The following GBE1 variants were observed in gnomAD, a reference collection of about 807,000 sequenced individuals.
The protein encoded by GBE1 is 1,4-alpha-glucan branching enzyme 1.
GBE1 carries 70 observed loss-of-function variants against 88.8 expected under a neutral mutation model. The ratio of observed to expected loss-of-function variants is 0.79; its 90% CI spans 0.65 to 0.96. GBE1 has a LOEUF of 0.96. Ranked by LOEUF, GBE1 falls within the 40% of genes least tolerant of loss-of-function variation. The pLI is 0.00. For synonymous variants in GBE1, 284 were observed against 300.1 expected, an observed-to-expected ratio of 0.95 and a Z score of 0.56; for missense variants, 872 against 871.0, an observed-to-expected ratio of 1.00 and a Z score of -0.01.
At chr3:81,492,688 C>T (rs536278094) in intron 15 of GBE1, among the ~76,000 whole-genome samples, 1 of 144,106 alleles carries the variant, frequency 6.9e-6, no homozygotes, top group South Asian at 2.3e-4. Context: ...TTCTCCCTTT[C>T]TCCCTTTCTC....
intron 10 of GBE1, 108 bp downstream of exon 10, chr3:81,585,984 C>T (rs1054421977): frequency 4.8e-6 from 3 of 625,504 alleles, no homozygotes; most frequent in Non-Finnish European, 8.0e-6. Flanking sequence ...GAATTTAATA[C>T]TTCAATTATA....
chr3:81,584,391 C>G (rs984078643), intron 10 of GBE1, among the ~76,000 whole-genome samples: 1 of 151,910 alleles, frequency 6.6e-6, no homozygotes, highest in African/African-American at 2.4e-5. Flanking sequence ...GTTTTATTGA[C>G]ATATAGGGAG....
intron 12 of GBE1, among the ~76,000 whole-genome samples, chr3:81,568,988 C>G (rs902990366): frequency 2.6e-5 from 4 of 151,850 alleles, no homozygotes; most frequent in African/African-American, 7.3e-5. Context: ...TACCACCCCC[C>G]CAAAATATGA....
intron 15 of GBE1, among the ~76,000 whole-genome samples, chr3:81,493,285 C>A (rs1447053917): frequency 6.6e-6 from 1 of 152,058 alleles, no homozygotes. Flanking sequence ...TCCAAGGTTC[C>A]TGGGAAAGTT....
intron 12 of GBE1, among the ~76,000 whole-genome samples, chr3:81,539,362 ATAAGACTTGTGG>A (rs1191673578): frequency 6.6e-6 from 1 of 152,030 alleles, no homozygotes; most frequent in African/African-American, 2.4e-5. Context: ...TAGCCACAAA[ATAAGACTTGTGG>A]TAAGGAGATA....
chr3:81,552,211 C>T (rs1703280446), intron 12 of GBE1, among the ~76,000 whole-genome samples: 1 of 152,020 alleles, frequency 6.6e-6, no homozygotes, highest in East Asian at 1.9e-4. Context: ...TTCTTAGGTC[C>T]AATGTTAAGA....
chr3:81,715,935 A>G (rs1398110738), intron 1 of GBE1, among the ~76,000 whole-genome samples: 2 of 152,226 alleles, frequency 1.3e-5, no homozygotes, highest in Non-Finnish European at 1.5e-5. Flanking sequence ...TAGAAAACTT[A>G]AAACATGAAA....
intron 1 of GBE1, among the ~76,000 whole-genome samples, chr3:81,752,021 T>G (rs1271260224): frequency 6.6e-6 from 1 of 152,212 alleles, no homozygotes; most frequent in East Asian, 1.9e-4. Flanking sequence ...GGTTTCTGAT[T>G]ATCATATTTT....
chr3:81,716,665 C>T (rs1470512806), intron 1 of GBE1, among the ~76,000 whole-genome samples: 1 of 152,078 alleles, frequency 6.6e-6, no homozygotes, highest in African/African-American at 2.4e-5. Flanking sequence ...CGTTTAATGA[C>T]ACAACTTAAA....
intron 7 of GBE1, among the ~76,000 whole-genome samples, chr3:81,630,257 T>C (rs1261244056): frequency 6.6e-6 from 1 of 151,904 alleles, no homozygotes; most frequent in South Asian, 2.1e-4. Flanking sequence ...CACTACTCAA[T>C]GAAATAAAAG....
Position 81,738,500 on chromosome 3 carries a change from C to T in GBE1, c.143+22875G>A, listed in dbSNP as rs548619707. On this transcript the variant is annotated intron_variant, in intron 1 of 15. Coordinates refer to ENST00000429644, the MANE Select transcript of GBE1 (RefSeq NM_000158.4). ...GTTTTGATTTGCATTTCTCTGATGG[C>T]CAGTGATGGTGAGCAAAAAATGTGT... 5.9e-5 allele frequency among the ~76,000 whole-genome samples: 9 copies of T among 151,620 alleles called. No homozygotes were observed. The South Asian group carries it at 1.0e-3, about 18-fold the overall frequency.
chr3:81,730,615 A>C (rs1706173281), intron 1 of GBE1, among the ~76,000 whole-genome samples: 1 of 152,196 alleles, frequency 6.6e-6, no homozygotes, highest in Non-Finnish European at 1.5e-5. Context: ...ATTGGGTGGC[A>C]GTTTCACAAC....
At chr3:81,713,611 C>T (rs1705901688) in intron 1 of GBE1, among the ~76,000 whole-genome samples, 1 of 152,118 alleles carries the variant, frequency 6.6e-6, no homozygotes, top group Admixed American at 6.6e-5. Context: ...AGATCCTCCT[C>T]TTAGACAAGA....
chr3:81,649,728 T>C lies in GBE1; in HGVS notation c.555+68A>G, dbSNP rs1704817973. ...GCATTGAACATTACTATAAAAGTTA[T>C]AAAAGTAAAAATTAACTTTCCTAGA... On this transcript the variant is annotated intron_variant, in intron 4 of 15. Transcript: ENST00000429644. The C allele has an allele frequency of 2.9e-6, 4 of 1,356,790 alleles. No individual in the cohort carries two copies. The Admixed American group carries it at 6.6e-5, about 23-fold the overall frequency. 84.0% of individuals were successfully genotyped at this position (1,356,790 alleles called of 1,614,324 possible). A position where few individuals can be genotyped will look rare whatever the true frequency, so the allele number is the denominator to read the frequency against.
At chr3:81,741,877 ATATAT>A (rs1391792499) in intron 1 of GBE1, among the ~76,000 whole-genome samples, 16 of 147,802 alleles carry the variant, frequency 1.1e-4, no homozygotes, top group African/African-American at 2.9e-4. Flanking sequence ...AATATATAAT[ATATAT>A]TATAACTAGA....
At chr3:81,491,376 C>T (rs1186707557) in intron 15 of GBE1, among the ~76,000 whole-genome samples, 3 of 152,100 alleles carry the variant, frequency 2.0e-5, no homozygotes, top group Non-Finnish European at 4.4e-5. Flanking sequence ...AAAAGTCATA[C>T]GTTTTATTTC....
intron 2 of GBE1, among the ~76,000 whole-genome samples, chr3:81,683,359 G>A (rs1022786481): frequency 3.9e-5 from 6 of 152,114 alleles, no homozygotes; most frequent in South Asian, 2.1e-4. Context: ...TGGAGATACC[G>A]TAAAGGAAAA....
chr3:81,672,652 G>A (rs928726091), intron 2 of GBE1, among the ~76,000 whole-genome samples: 13 of 151,988 alleles, frequency 8.6e-5, no homozygotes, highest in Admixed American at 8.5e-4. Flanking sequence ...AGAAGAAAGG[G>A]AACACAAGAA....
intron 7 of GBE1, among the ~76,000 whole-genome samples, chr3:81,615,871 TTATAG>T (rs1222547139): frequency 6.6e-6 from 1 of 152,166 alleles, no homozygotes; most frequent in Non-Finnish European, 1.5e-5. Context: ...TTTGCAGTGA[TTATAG>T]TATTTTACAT....
Sources: allele counts gnomAD v4.1 joint callset (sites outside exome capture counted in the v4.1 genomes callset), GRCh38; gene constraint gnomAD v4.1.1; transcripts MANE v1.5; gene names NCBI Gene and HGNC (gene_info 2026-07-23, HGNC 2026-07-21).